The following TRPV6 variants were observed in gnomAD, a reference collection of about 807,000 sequenced individuals.
The protein encoded by TRPV6 is Alu-binding protein with zinc finger domain.
TRPV6 carries 39 observed loss-of-function variants against 79.0 expected under a neutral mutation model. The observed-to-expected ratio is 0.49, with a 90% CI of 0.38 to 0.64. TRPV6 has a LOEUF of 0.64. Ranked by LOEUF, TRPV6 falls within the 30% of genes least tolerant of loss-of-function variation. The probability of loss-of-function intolerance (pLI) is 0.00; values close to 1 mark genes in which losing one functional copy is unlikely to be tolerated. For synonymous variants in TRPV6, 373 were observed against 391.9 expected, an observed-to-expected ratio of 0.95 and a Z score of 0.57; for missense variants, 813 against 1,011.1, an observed-to-expected ratio of 0.80 and a Z score of 2.66.
chr7:142,877,658 G>A lies in TRPV6; in HGVS notation c.462C>T (p.Leu154=). 1 of 1,614,140 alleles carries A rather than the reference G, an allele frequency of 6.2e-7. No homozygotes were observed. The highest frequency in any genetic ancestry group is 1.6e-4 in the Middle Eastern group (1 of 6,062). ...AGACCCGTGGGCCCTCACCCTCATA[G>A]AGCTCAGATGTCATGGGCTCAAAGA... Residue 154 remains leucine (L), a synonymous_variant, in exon 3 of 15, where the codon CTC becomes CTT. Coordinates refer to ENST00000359396, the MANE Select transcript of TRPV6 (RefSeq NM_018646.6).
Position 142,875,921 on chromosome 7 carries a change from A to C in TRPV6, c.883-17T>G. ...CTGAAACATCTAAGGGAAAGTGAAG[A>C]TGACTCAGGAGCAGTAAGCAAAGGG... On this transcript the variant is annotated splice_polypyrimidine_tract_variant and intron_variant, in intron 6 of 14. Coordinates refer to ENST00000359396, the MANE Select transcript of TRPV6 (RefSeq NM_018646.6). 6.4e-7 allele frequency: 1 copy of C among 1,560,338 alleles called. No homozygotes were observed.
chr7:142,875,928 A>G, intron 6 of TRPV6, 24 bp from the exon 7 acceptor site: 1 of 1,552,330 alleles, frequency 6.4e-7, no homozygotes, highest in Non-Finnish European at 8.7e-7. Context: ...AAGATGACTC[A>G]GGAGCAGTAA....
rs201693115 is a variant in TRPV6 at position 142,875,154 on chromosome 7, A to G, written c.1253T>C (p.Met418Thr). ...CAGCCGGATATCGTCCTTAGGGGTCATGTAGGCTTCCTAATGGGGGAGAAG... is the reference window on the plus strand; with the variant it reads ...CAGCCGGATATCGTCCTTAGGGGTCGTGTAGGCTTCCTAATGGGGGAGAAG... The change falls in exon 9 of 15, where the codon ATG becomes ACG. Residue 418 changes from methionine to threonine, a missense_variant. Physicochemically the swap from Met to Thr is moderately conservative, Grantham distance 81 (BLOSUM62 -1). Transcript: ENST00000359396. 766 of 1,613,956 alleles carry G rather than the reference A, an allele frequency of 4.7e-4. 1 individual carries two copies. Among genetic ancestry groups the G allele is most frequent in the Non-Finnish European group, 6.0e-4 (706 of 1,180,004 alleles).
In TRPV6 at chr7:142,873,924, T is replaced by C; in HGVS notation, c.1639+152A>G. 9.2e-7 allele frequency: 1 copy of C among 1,090,974 alleles called. No individual in the cohort carries two copies. The allele number at this position is 1,090,974 out of a possible 1,614,324, so 67.6% of individuals were successfully genotyped here. A position where few individuals can be genotyped will look rare whatever the true frequency, so the allele number is the denominator to read the frequency against. ...ACCTCTCCCTAACACTCCCGATTTT[T>C]CTCACCTCTGGAGGACGTCCCATCC... On this transcript the variant is annotated intron_variant, in intron 12 of 14. Transcript: ENST00000359396. This position sits in a 1 kb window ranked among gnomAD's most constrained non-coding sequence, Gnocchi z 4.8.
chr7:142,874,704 T>G, intron 10 of TRPV6, 48 bp from the exon 11 acceptor site: 1 of 1,592,642 alleles, frequency 6.3e-7, no homozygotes, highest in East Asian at 2.3e-5. Flanking sequence ...GGGATGATCC[T>G]GGGGACCTGA....
chr7:142,883,460 A>G (rs142843831), intron 1 of TRPV6: 21 of 152,318 alleles, frequency 1.4e-4, no homozygotes, highest in African/African-American at 4.3e-4. Context: ...CAACTTCACC[A>G]TTTACTTGCT....
chr7:142,871,883 C>A lies in TRPV6; in HGVS notation c.2122G>T (p.Glu708Ter). ...TGGGGGCTGAAGGGACAGCCCAGCT[C>A]TAGTTTTTCCACTGAGTCTTTGTCC... Residue 708 changes from glutamate to a stop codon, truncating the protein, a stop_gained, in exon 15 of 15, where the codon GAG becomes TAG. Transcript: ENST00000359396. LOFTEE classifies it low-confidence loss of function (END_TRUNC). 6.2e-7 allele frequency: 1 copy of A among 1,614,200 alleles called. No homozygotes were observed. The highest frequency in any genetic ancestry group is 8.5e-7 in the Non-Finnish European group (1 of 1,180,034).
Position 142,877,717 on chromosome 7 carries a change from C to A in TRPV6, c.403G>T (p.Ala135Ser). 3 of 1,614,186 alleles carry A rather than the reference C, an allele frequency of 1.9e-6. No homozygotes were observed. The highest frequency in any genetic ancestry group is 1.6e-4 in the Middle Eastern group (1 of 6,062). Residue 135 changes from alanine (A) to serine (S), a missense_variant, in exon 3 of 15, where the codon GCC becomes TCC. Coordinates refer to ENST00000359396, the MANE Select transcript of TRPV6 (RefSeq NM_018646.6). ...GGGGCAGCCTCCATCAGCACCATGG[C>A]GGCCTCCAGGTTGTCATAGAGGGCT...
intron 1 of TRPV6, chr7:142,884,864 AG>A (rs1199405109): frequency 6.6e-6 from 1 of 152,444 alleles, no homozygotes; most frequent in East Asian, 1.9e-4. Context: ...CTGATGAGAC[AG>A]ATACATAGGA....
In TRPV6 at chr7:142,873,185, TTTGA is replaced by T. The variant is rs1794981523; in HGVS notation, c.1908+259_1908+262del. 6.6e-6 allele frequency among the ~76,000 whole-genome samples: 1 copy of T among 151,384 alleles called. No homozygotes were observed. Among genetic ancestry groups the T allele is most frequent in the African/African-American group, 2.5e-5 (1 of 40,656 alleles). ...CAATTTTAGCCAACGTTAATTTTCT[TTTGA>T]TTTATTTCTTGTTGATTCCTCTAGA... On this transcript the variant is annotated intron_variant, in intron 13 of 14. Transcript: ENST00000359396. The surrounding 1 kb of genome is among the most constrained non-coding windows in gnomAD (Gnocchi z 4.8).
At position 142,876,558 on chromosome 7, in the gene TRPV6, G is replaced by A. The variant is rs768791147; in HGVS notation, c.732C>T (p.Ile244=). ...AGGCAAAGGTTTTGTTGGGCTGGAG[G>A]ATGAGGATGTGTAACACTGTGTTTC... The change falls in exon 6 of 15, where the codon ATC becomes ATT. Residue 244 remains isoleucine (I), a synonymous_variant. Transcript: ENST00000359396. The A allele has an allele frequency of 9.3e-6, 15 of 1,614,046 alleles. No individual in the cohort carries two copies. In the East Asian group the frequency reaches 2.5e-4, roughly 26 times the overall value.
rs374856038 is a variant in TRPV6, at chr7:142,871,732, C to T, written c.2273G>A (p.Gly758Glu). 5 of 1,606,950 alleles carry T rather than the reference C, an allele frequency of 3.1e-6. No individual in the cohort carries two copies. In the African/African-American group the frequency reaches 6.7e-5, roughly 22 times the overall value. The change falls in exon 15 of 15, where the codon GGG becomes GAG. Residue 758 changes from glycine (G) to glutamate (E), a missense_variant. Gly to Glu is a moderately conservative substitution (Grantham distance 98). Around this residue, in one of 3 missense-constraint regions of TRPV6, gnomAD observed 164 missense variants for 186.1 expected, o/e 0.88. Coordinates refer to ENST00000359396, the MANE Select transcript of TRPV6 (RefSeq NM_018646.6). ...TCAGATCTGATATTCCCAGCTCTCC[C>T]CGTCCTCCAGACCCCTGTTGATTAT...
rs1407506940 is a variant in TRPV6 at position 142,873,622 on chromosome 7, A to G, written c.1734T>C (p.Leu578=). 6.2e-7 allele frequency: 1 copy of G among 1,614,084 alleles called. No homozygotes were observed. The highest frequency in any genetic ancestry group is 8.5e-7 in the Non-Finnish European group (1 of 1,180,046). ...AGTTGGCTGGGCCATCGATGATGGT[A>G]AGGAACAGCTCGAAGGTGCTGAACA... Residue 578 remains leucine (L), a synonymous_variant, in exon 13 of 15, where the codon CTT becomes CTC. Coordinates refer to ENST00000359396, the MANE Select transcript of TRPV6 (RefSeq NM_018646.6). The surrounding 1 kb of genome is among the most constrained non-coding windows in gnomAD (Gnocchi z 4.8).
At chr7:142,872,276 C>T (rs1056078259) in intron 14 of TRPV6, 96 bp downstream of exon 14, 5 of 1,338,306 alleles carry the variant, frequency 3.7e-6, no homozygotes, top group Middle Eastern at 1.8e-4. Flanking sequence ...GCACACAGGC[C>T]TCCACAGGGA....
chr7:142,876,925 C>T, intron 4 of TRPV6, 88 bp from the exon 5 acceptor site: 3 of 1,544,352 alleles, frequency 1.9e-6, no homozygotes. Context: ...CTTATCTTCC[C>T]CCACATCTCA....
intron 14 of TRPV6, among the ~76,000 whole-genome samples, 188 bp from the exon 15 acceptor site, chr7:142,872,177 CCA>C (rs1206566233): frequency 1.3e-5 from 2 of 152,256 alleles, no homozygotes. Flanking sequence ...GCAGGCTCTG[CCA>C]CAGACTCCCT....
At chr7:142,879,563 A>G (rs1405701579) in intron 1 of TRPV6, 8 of 152,222 alleles carry the variant, frequency 5.3e-5, no homozygotes, top group Non-Finnish European at 7.3e-5. Flanking sequence ...GGCAGTGGCA[A>G]GAAATTGACT....
At chr7:142,875,287 C>A in intron 8 of TRPV6, 123 bp from the exon 9 acceptor site, 2 of 1,323,318 alleles carry the variant, frequency 1.5e-6, no homozygotes, top group South Asian at 2.5e-5. Flanking sequence ...TGGGTCTTCT[C>A]AAACTCTGCT....
At chr7:142,874,883 A>C (rs1187126042) in intron 10 of TRPV6, 21 bp downstream of exon 10, 1 of 1,613,690 alleles carries the variant, frequency 6.2e-7, no homozygotes, top group Non-Finnish European at 8.5e-7. Context: ...AAGGGATGGG[A>C]GTGAGAGGAA....
Sources: allele counts gnomAD v4.1 joint callset (sites outside exome capture counted in the v4.1 genomes callset), GRCh38; gene constraint gnomAD v4.1.1; regional missense constraint gnomAD v4.1.1; non-coding constraint Gnocchi (gnomAD v3.1); transcripts MANE v1.5; gene names NCBI Gene and HGNC (gene_info 2026-07-23, HGNC 2026-07-21).